RIC3: variants seen among roughly 807,000 people sequenced by gnomAD.
RIC3 encodes the protein protein RIC-3.
RIC3 carries 28 observed loss-of-function variants against 27.3 expected under a neutral mutation model. That is an observed-to-expected ratio of 1.02 (90% CI 0.76 to 1.41). The LOEUF (loss-of-function observed/expected upper bound fraction) is 1.41. Ranked by LOEUF, RIC3 falls within the 40% of genes most tolerant of loss-of-function variation. The probability of loss-of-function intolerance (pLI) is 0.00; values close to 1 mark genes in which losing one functional copy is unlikely to be tolerated. For synonymous variants in RIC3, 184 were observed against 160.4 expected (o/e 1.15, Z -1.11); for missense variants, 501 against 444.7 (o/e 1.13, Z -1.14).
At chr11:8,154,307 T>C (rs1423823296) in intron 1 of RIC3, among the ~76,000 whole-genome samples, 2 of 152,252 alleles carry the variant, frequency 1.3e-5, no homozygotes, top group African/African-American at 2.4e-5. Flanking sequence ...GCATTAACTA[T>C]GCATCTATAA....
At chr11:8,097,685 T>G in the RIC3 span, 1 of 1,588,438 alleles carries the variant, frequency 6.3e-7, no homozygotes, top group South Asian at 1.1e-5. Flanking sequence ...AGGCTGAGTC[T>G]GGAATATGAC....
At chr11:8,113,353 C>CA (rs1453438086) in intron 5 of RIC3, among the ~76,000 whole-genome samples, 1 of 152,232 alleles carries the variant, frequency 6.6e-6, no homozygotes, top group Non-Finnish European at 1.5e-5. Flanking sequence ...CACCAGGCCT[C>CA]AGTCCAGCTC....
Position 8,106,932 on chromosome 11 carries a change from A to C in RIC3, c.*3766T>G, listed in dbSNP as rs1225656731. 6.6e-6 allele frequency: 1 copy of C among 152,230 alleles called. No individual in the cohort carries two copies. The highest frequency in any genetic ancestry group is 1.5e-5 in the Non-Finnish European group (1 of 68,052). The allele number at this position is 152,230 out of a possible 1,614,324, so 9.4% of individuals were successfully genotyped here. A position where few individuals can be genotyped will look rare whatever the true frequency, so the allele number is the denominator to read the frequency against. On this transcript the variant is annotated 3_prime_UTR_variant, in exon 6 of 6. Transcript: ENST00000309737. The stretch of plus-strand genomic sequence containing the variant: ...GAGTGGTGACAGGGATCATGCTGTC[A>C]CCAAGCACCTACCACATGCTTTGCC...
intron 5 of RIC3, among the ~76,000 whole-genome samples, chr11:8,118,387 G>A (rs909716809): frequency 4.0e-5 from 6 of 151,522 alleles, no homozygotes; most frequent in Admixed American, 6.6e-5. Flanking sequence ...AGATAAAGGC[G>A]TTAACATCAA....
chr11:8,158,898 A>G (rs1042876864), intron 1 of RIC3, among the ~76,000 whole-genome samples: 6 of 147,148 alleles, frequency 4.1e-5, no homozygotes, highest in African/African-American at 1.5e-4. Flanking sequence ...ATGCCCAGAG[A>G]ATTTTTGTAT....
Position 8,140,099 on chromosome 11 carries a change from G to C in RIC3, c.219C>G (p.Ala73=), listed in dbSNP as rs149313414. Reference sequence around the variant, plus strand: ...ATCCTTTGGCCTTTGCAAATGCCTCGGCAAGGTGAGACCTCTGGAAACGAG... The same window carrying C: ...ATCCTTTGGCCTTTGCAAATGCCTCCGCAAGGTGAGACCTCTGGAAACGAG... ...PGARFQRSHL[A]EAFAKAKGSG... is the part of the protein sequence containing the mutation. Residue 73 remains alanine, a synonymous_variant, in exon 2 of 6, where the codon GCC becomes GCG. Coordinates refer to ENST00000309737, the MANE Select transcript of RIC3 (RefSeq NM_001206671.4). 2.5e-4 allele frequency: 401 copies of C among 1,614,004 alleles called. No homozygotes were observed. In the African/African-American group the frequency reaches 3.5e-3, roughly 14 times the overall value.
the RIC3 span, chr11:8,095,399 GT>G: frequency 2.3e-6 from 3 of 1,315,274 alleles, no homozygotes; most frequent in Non-Finnish European, 3.1e-6. Flanking sequence ...TTTGCAGAGG[GT>G]TTCCCCACTC....
At chr11:8,132,641 T>TC (rs35300041) in intron 4 of RIC3, among the ~76,000 whole-genome samples, 1 of 152,192 alleles carries the variant, frequency 6.6e-6, no homozygotes, top group African/African-American at 2.4e-5. Context: ...TCAAAAACTT[T>TC]CCCCATATTT....
At chr11:8,137,727 T>C (rs1295190565) in intron 3 of RIC3, among the ~76,000 whole-genome samples, 1 of 149,044 alleles carries the variant, frequency 6.7e-6, no homozygotes, top group African/African-American at 2.5e-5. Flanking sequence ...ATAAACATGA[T>C]TTCCTGCAAT....
At chr11:8,125,830 G>A (rs912425410) in intron 5 of RIC3, among the ~76,000 whole-genome samples, 1 of 152,140 alleles carries the variant, frequency 6.6e-6, no homozygotes, top group African/African-American at 2.4e-5. Context: ...CTTGAGGTCA[G>A]GAGTTTGAGA....
At chr11:8,097,569 C>CT in the RIC3 span, 1 of 1,344,978 alleles carries the variant, frequency 7.4e-7, no homozygotes, top group Non-Finnish European at 1.0e-6. Context: ...CTGTGCACAT[C>CT]TTTGTGTTTT....
chr11:8,150,863 C>T (rs1383296978), intron 1 of RIC3, among the ~76,000 whole-genome samples: 1 of 152,172 alleles, frequency 6.6e-6, no homozygotes, highest in African/African-American at 2.4e-5. Flanking sequence ...CAAAGTACTA[C>T]AAAGCCTCAG....
intron 1 of RIC3, among the ~76,000 whole-genome samples, chr11:8,146,635 G>A (rs943018740): frequency 6.6e-6 from 1 of 152,084 alleles, no homozygotes; most frequent in Admixed American, 6.5e-5. Context: ...AGGCGGTTAG[G>A]GTGCAGCTTG....
chr11:8,096,361 A>T, the RIC3 span, among the ~76,000 whole-genome samples: 1 of 152,174 alleles, frequency 6.6e-6, no homozygotes, highest in Non-Finnish European at 1.5e-5. Context: ...GCCTTGATAC[A>T]CAAGAGACAG....
chr11:8,128,112 A>G, intron 4 of RIC3: 1 of 446,986 alleles, frequency 2.2e-6, no homozygotes, highest in Non-Finnish European at 4.5e-6. Flanking sequence ...TCAGTACAGG[A>G]GTCCTGACTC....
chr11:8,131,761 C>T (rs1487301599), intron 4 of RIC3, among the ~76,000 whole-genome samples: 1 of 151,658 alleles, frequency 6.6e-6, no homozygotes, highest in Non-Finnish European at 1.5e-5. Context: ...ATTAGCCAGG[C>T]GTGGTGGCAC....
At chr11:8,120,130 G>A (rs1334306848) in intron 5 of RIC3, among the ~76,000 whole-genome samples, 1 of 152,182 alleles carries the variant, frequency 6.6e-6, no homozygotes, top group African/African-American at 2.4e-5. Flanking sequence ...AAGACAGTGT[G>A]GCAATTCTTC....
intron 1 of RIC3, among the ~76,000 whole-genome samples, chr11:8,148,503 CTG>C (rs1949934726): frequency 6.6e-6 from 1 of 152,122 alleles, no homozygotes; most frequent in South Asian, 2.1e-4. Context: ...CTTCACCTTA[CTG>C]TGTTGAGAAT....
At chr11:8,151,566 A>G (rs1950227239) in intron 1 of RIC3, among the ~76,000 whole-genome samples, 2 of 108,630 alleles carry the variant, frequency 1.8e-5, no homozygotes, top group African/African-American at 9.1e-5. Context: ...AGCCTGGGCG[A>G]CAGAGTGAAA....
Sources: allele counts gnomAD v4.1 joint callset (sites outside exome capture counted in the v4.1 genomes callset), GRCh38; gene constraint gnomAD v4.1.1; transcripts MANE v1.5; gene names NCBI Gene and HGNC (gene_info 2026-07-23, HGNC 2026-07-21).